IRAK1BP1: variants seen among roughly 807,000 people sequenced by gnomAD.
IRAK1BP1 encodes the protein interleukin 1 receptor associated kinase 1 binding protein 1.
Under a neutral mutation model 28.0 loss-of-function variants are expected in IRAK1BP1, and 24 were observed. The ratio of observed to expected loss-of-function variants is 0.86; its 90% CI spans 0.62 to 1.20. The LOEUF is 1.20. Among genes scored for constraint, IRAK1BP1 ranks in the 50% most tolerant of loss-of-function variants. The pLI is 0.00. For synonymous variants in IRAK1BP1, 131 were observed against 116.3 expected, an observed-to-expected ratio of 1.13 and a Z score of -0.81; for missense variants, 336 against 316.7, an observed-to-expected ratio of 1.06 and a Z score of -0.46.
intron 2 of IRAK1BP1, among the ~76,000 whole-genome samples, chr6:78,891,831 T>C (rs1771675069): frequency 6.6e-6 from 1 of 152,202 alleles, no homozygotes; most frequent in African/African-American, 2.4e-5. Context: ...AAAGTAGTAG[T>C]ATAACTACTC....
chr6:78,913,516 C>A (rs1772479847), intron 4 of IRAK1BP1, among the ~76,000 whole-genome samples: 1 of 152,040 alleles, frequency 6.6e-6, no homozygotes, highest in African/African-American at 2.4e-5. Flanking sequence ...CATAGTGGCA[C>A]ACACCTGTAA....
At chr6:78,973,171 C>T in the IRAK1BP1 span, among the ~76,000 whole-genome samples, 35 of 152,208 alleles carry the variant, frequency 2.3e-4, no homozygotes, top group African/African-American at 8.2e-4. Context: ...AGACTAACAG[C>T]GGATCTCTCA....
At chr6:78,876,466 A>G (rs1019795519) in intron 1 of IRAK1BP1, among the ~76,000 whole-genome samples, 1 of 152,240 alleles carries the variant, frequency 6.6e-6, no homozygotes. Flanking sequence ...GTATTTAGAA[A>G]TAAACAGTAG....
At chr6:78,961,126 C>A in the IRAK1BP1 span, among the ~76,000 whole-genome samples, 1 of 151,926 alleles carries the variant, frequency 6.6e-6, no homozygotes, top group East Asian at 1.9e-4. Flanking sequence ...ATCAAAATTA[C>A]CTAGATAATG....
chr6:78,870,869 G>A (rs1356198310), intron 1 of IRAK1BP1, among the ~76,000 whole-genome samples: 1 of 151,816 alleles, frequency 6.6e-6, no homozygotes, highest in Non-Finnish European at 1.5e-5. Flanking sequence ...CTGCCACCAC[G>A]CCTGGTAATT....
At chr6:78,942,904 G>T (rs1031659782) in intron 4 of IRAK1BP1, among the ~76,000 whole-genome samples, 7 of 152,114 alleles carry the variant, frequency 4.6e-5, no homozygotes, top group African/African-American at 1.7e-4. Context: ...AAAAGGTTAA[G>T]AATGAATGCA....
chr6:78,978,861 G>A, the IRAK1BP1 span: 10 of 526,550 alleles, frequency 1.9e-5, no homozygotes, highest in Admixed American at 1.2e-4. Flanking sequence ...GTGTATCCAT[G>A]GGTTCCACAT....
At chr6:78,905,626 G>C (rs142991205), downstream of IRAK1BP1, among the ~76,000 whole-genome samples, 98 of 152,178 alleles carry the variant, frequency 6.4e-4, 1 homozygote, top group South Asian at 8.1e-3. Flanking sequence ...TTTTGAGATT[G>C]AATCTTGCTC....
intron 4 of IRAK1BP1, among the ~76,000 whole-genome samples, chr6:78,929,918 A>G (rs1390944457): frequency 8.5e-6 from 1 of 117,544 alleles, no homozygotes; most frequent in African/African-American, 3.3e-5. Flanking sequence ...AAATTGAATC[A>G]TAATTCTGAC....
At chr6:78,923,811 A>T (rs1772810230) in intron 4 of IRAK1BP1, among the ~76,000 whole-genome samples, 1 of 152,236 alleles carries the variant, frequency 6.6e-6, no homozygotes, top group African/African-American at 2.4e-5. Flanking sequence ...TCTGCTCCTG[A>T]GTGACTACTG....
At chr6:78,911,483 T>G (rs1772418923) in intron 4 of IRAK1BP1, among the ~76,000 whole-genome samples, 3 of 152,216 alleles carry the variant, frequency 2.0e-5, no homozygotes, top group Admixed American at 6.5e-5. Context: ...TTTCTGGATT[T>G]TATTTTATTG....
At chr6:78,937,321 TTAA>T (rs1452133375) in intron 4 of IRAK1BP1, 1 of 151,800 alleles carries the variant, frequency 6.6e-6, no homozygotes, top group East Asian at 1.9e-4. Context: ...ACTGGAGAAA[TTAA>T]TTTATATTAC....
At chr6:78,875,115 G>A (rs1469901419) in intron 1 of IRAK1BP1, among the ~76,000 whole-genome samples, 3 of 152,092 alleles carry the variant, frequency 2.0e-5, no homozygotes, top group African/African-American at 7.2e-5. Flanking sequence ...CAAGCAGCCA[G>A]CAAACACATG....
At chr6:78,875,542 G>T (rs1345550559) in intron 1 of IRAK1BP1, among the ~76,000 whole-genome samples, 1 of 152,144 alleles carries the variant, frequency 6.6e-6, no homozygotes. Flanking sequence ...ATGAAATACT[G>T]TGTAGCCATA....
At chr6:78,916,924 A>G (rs922629187) in intron 4 of IRAK1BP1, among the ~76,000 whole-genome samples, 2 of 152,102 alleles carry the variant, frequency 1.3e-5, no homozygotes, top group African/African-American at 2.4e-5. Context: ...AGCCTGGTCA[A>G]TAGAGTGAGA....
At chr6:78,904,371 A>T (rs141212158), downstream of IRAK1BP1, among the ~76,000 whole-genome samples, 833 of 152,308 alleles carry the variant, frequency 5.5e-3, 6 homozygotes, top group African/African-American at 0.019. Context: ...TTACCACTTA[A>T]GCCACACATT....
intron 4 of IRAK1BP1, among the ~76,000 whole-genome samples, chr6:78,932,350 T>C (rs1056158722): frequency 2.0e-5 from 3 of 152,132 alleles, no homozygotes; most frequent in Middle Eastern, 3.2e-3. Flanking sequence ...TTCAATGTAC[T>C]TTGACCAGAT....
the IRAK1BP1 span, among the ~76,000 whole-genome samples, chr6:78,973,288 G>C: frequency 6.6e-6 from 1 of 151,298 alleles, no homozygotes; most frequent in Non-Finnish European, 1.5e-5. Context: ...AGCTTCATAA[G>C]TGAAGGAGAA....
chr6:78,945,377 G>A (rs1312790134), intron 4 of IRAK1BP1: 1 of 1,613,428 alleles, frequency 6.2e-7, no homozygotes, highest in Non-Finnish European at 8.5e-7. Context: ...ACGTTTGACT[G>A]GCTTTTCCTT....
Sources: allele counts gnomAD v4.1 joint callset (sites outside exome capture counted in the v4.1 genomes callset), GRCh38; gene constraint gnomAD v4.1.1; transcripts MANE v1.5; gene names NCBI Gene and HGNC (gene_info 2026-07-23, HGNC 2026-07-21).